Variants in PLPP3 observed in about 807,000 individuals in gnomAD.
PLPP3 encodes the protein PAP2 beta.
In PLPP3, 6 loss-of-function variants were observed where a neutral mutation model predicts 29.6. That is an observed-to-expected ratio of 0.20 (90% CI 0.11 to 0.40). The LOEUF (loss-of-function observed/expected upper bound fraction) is 0.40. Among genes scored for constraint, PLPP3 ranks in the 10% least tolerant of loss-of-function variants. The pLI is 1.00. For synonymous variants in PLPP3, 152 were observed against 159.7 expected (o/e 0.95, Z 0.36); for missense variants, 308 against 407.7 (o/e 0.76, Z 2.11).
chr1:56,534,251 A>G (rs1645908971), intron 2 of PLPP3, among the ~76,000 whole-genome samples: 1 of 152,190 alleles, frequency 6.6e-6, no homozygotes, highest in Non-Finnish European at 1.5e-5. Flanking sequence ...GTGGATTTGG[A>G]AGGAATTCCT....
chr1:56,548,455 G>A (rs1476983150), intron 1 of PLPP3, among the ~76,000 whole-genome samples: 1 of 152,076 alleles, frequency 6.6e-6, no homozygotes, highest in Non-Finnish European at 1.5e-5. Context: ...AGTATCCAGG[G>A]AGTAAATGGC....
intron 5 of PLPP3, among the ~76,000 whole-genome samples, chr1:56,500,245 T>C (rs1241924311): frequency 6.6e-6 from 1 of 152,196 alleles, no homozygotes; most frequent in African/African-American, 2.4e-5. Context: ...AAGGAGTTTA[T>C]AGGCCAATGA....
In PLPP3 at chr1:56,524,204, G is replaced by A. The variant is rs188910362; in HGVS notation, c.575+73C>T. 4.3e-5 allele frequency: 67 copies of A among 1,549,498 alleles called. No homozygotes were observed. In the Admixed American group the frequency reaches 1.0e-3, roughly 24 times the overall value. ...ATTCACCCATCTAAACCAGGGCCCA[G>A]CTAGTAAGTGCTCACTGAACTGCAC... On this transcript the variant is annotated intron_variant, in intron 3 of 5. Coordinates refer to ENST00000371250, the MANE Select transcript of PLPP3 (RefSeq NM_003713.5). This position sits in a 1 kb window ranked among gnomAD's most constrained non-coding sequence, Gnocchi z 4.3.
intron 2 of PLPP3, among the ~76,000 whole-genome samples, chr1:56,527,163 C>G (rs769061975): frequency 6.6e-6 from 1 of 152,150 alleles, no homozygotes; most frequent in Non-Finnish European, 1.5e-5. Context: ...ATCTCTAAAA[C>G]TTCCATTTTT....
rs535055891 is a variant in PLPP3 at position 56,523,778 on chromosome 1, G to A, written c.633+45C>T. The A allele has an allele frequency of 7.1e-4, 1,122 of 1,572,392 alleles. 15 individuals are homozygous for A. The South Asian group carries it at 0.011, about 16-fold the overall frequency. Reference sequence around the variant, plus strand: ...GAGGGCTATCATATCAGAAGGGATCGAAGCTGGAACTGAGCACTGCTCAAA... The same window carrying A: ...GAGGGCTATCATATCAGAAGGGATCAAAGCTGGAACTGAGCACTGCTCAAA... On this transcript the variant is annotated intron_variant, in intron 4 of 5. Coordinates refer to ENST00000371250, the MANE Select transcript of PLPP3 (RefSeq NM_003713.5).
intron 2 of PLPP3, among the ~76,000 whole-genome samples, chr1:56,532,595 T>G (rs141695754): frequency 1.2e-3 from 186 of 152,280 alleles, no homozygotes; most frequent in African/African-American, 4.3e-3. Flanking sequence ...AATTTGCATG[T>G]GGTACAGAGT....
At chr1:56,572,000 T>TC (rs1646201356) in intron 1 of PLPP3, among the ~76,000 whole-genome samples, 1 of 146,322 alleles carries the variant, frequency 6.8e-6, no homozygotes, top group Non-Finnish European at 1.5e-5. Context: ...ATACAGAGGG[T>TC]CCCCTAGATG....
At chr1:56,508,888 T>A (rs1025486460) in intron 5 of PLPP3, among the ~76,000 whole-genome samples, 2 of 152,148 alleles carry the variant, frequency 1.3e-5, no homozygotes, top group Non-Finnish European at 2.9e-5. Context: ...TTTGCTTCTG[T>A]CTCCCTCACA....
At chr1:56,546,815 T>C (rs1013257141) in intron 1 of PLPP3, among the ~76,000 whole-genome samples, 1 of 152,226 alleles carries the variant, frequency 6.6e-6, no homozygotes, top group Non-Finnish European at 1.5e-5. Flanking sequence ...TCTTAATAAA[T>C]TGCATGGTTA....
In PLPP3 at chr1:56,536,981, C is replaced by T. The variant is rs748400164; in HGVS notation, c.271G>A (p.Val91Met). 8 of 1,613,524 alleles carry T rather than the reference C, an allele frequency of 5.0e-6. No individual in the cohort carries two copies. Among genetic ancestry groups the T allele is most frequent in the South Asian group, 2.2e-5 (2 of 91,054 alleles). The change falls in exon 2 of 6, where the codon GTG becomes ATG. Residue 91 changes from valine to methionine, a missense_variant. Val to Met is a conservative substitution (Grantham distance 21). Coordinates refer to ENST00000371250, the MANE Select transcript of PLPP3 (RefSeq NM_003713.5). ...ETINDAVLCA[V>M]GIVIAILAII... The stretch of plus-strand genomic sequence containing the variant: ...GCGAGGATGGCAATGACGATCCCCA[C>T]GGCACAGAGCACAGCGTCATTTATT...
intron 4 of PLPP3, among the ~76,000 whole-genome samples, chr1:56,519,054 G>A (rs1179774812): frequency 6.6e-6 from 1 of 151,754 alleles, no homozygotes; most frequent in Non-Finnish European, 1.5e-5. Flanking sequence ...GGGGAGAACA[G>A]CAGCTAAGGA....
chr1:56,558,337 T>C (rs898322430), intron 1 of PLPP3, among the ~76,000 whole-genome samples: 3 of 152,216 alleles, frequency 2.0e-5, no homozygotes, highest in Non-Finnish European at 2.9e-5. Context: ...CATCTTCCTT[T>C]CCAACTGGAA....
chr1:56,538,607 T>A, intron 1 of PLPP3: 1 of 361,984 alleles, frequency 2.8e-6, no homozygotes, highest in South Asian at 2.8e-5. Context: ...CTAAAAAGAA[T>A]GCCCCACAAG....
intron 5 of PLPP3, among the ~76,000 whole-genome samples, chr1:56,502,758 G>C (rs890328161): frequency 1.3e-5 from 2 of 152,176 alleles, no homozygotes; most frequent in African/African-American, 4.8e-5. Context: ...TAAATGCTGT[G>C]TCATATTTCC....
At position 56,509,211 on chromosome 1, in the gene PLPP3, T is replaced by A. The variant is rs147560376; in HGVS notation, c.810+2765A>T. On this transcript the variant is annotated intron_variant, in intron 5 of 5. Transcript: ENST00000371250. ...AGTAAAAGGCAGGGAAAGAGATTTA[T>A]CACCCCTTTCCAAACCATCTTTACA... Among the ~76,000 whole-genome samples the A allele has an allele frequency of 2.4e-3, 370 of 152,290 alleles. 1 individual carries two copies. Among genetic ancestry groups the A allele is most frequent in the African/African-American group, 6.8e-3 (281 of 41,566 alleles).
intron 1 of PLPP3, among the ~76,000 whole-genome samples, chr1:56,540,086 A>T (rs987970052): frequency 6.6e-6 from 1 of 152,144 alleles, no homozygotes; most frequent in Non-Finnish European, 1.5e-5. Context: ...GTTAGACAGA[A>T]CTGGGTTAAT....
chr1:56,547,971 G>C (rs1466417368), intron 1 of PLPP3, among the ~76,000 whole-genome samples: 1 of 152,214 alleles, frequency 6.6e-6, no homozygotes, highest in Non-Finnish European at 1.5e-5. Flanking sequence ...CAGAAGGCAG[G>C]TATTTAACAA....
chr1:56,570,315 G>A lies in PLPP3; in HGVS notation c.139+8563C>T, dbSNP rs115074400. 7.9e-3 allele frequency among the ~76,000 whole-genome samples: 1,195 copies of A among 152,198 alleles called. 14 individuals are homozygous for A. The highest frequency in any genetic ancestry group is 0.024 in the African/African-American group (993 of 41,508). On this transcript the variant is annotated intron_variant, in intron 1 of 5. Transcript: ENST00000371250. ...TAGGGATACATAAACAGGAACCAAA[G>A]CACACTACTTATTATGACAAGGCGC...
intron 1 of PLPP3, among the ~76,000 whole-genome samples, chr1:56,577,008 A>G (rs536428033): frequency 1.3e-3 from 193 of 152,360 alleles, no homozygotes; most frequent in Non-Finnish European, 2.3e-3. Context: ...AGGAAATTGT[A>G]CAAAGGCTGT....
Sources: allele counts gnomAD v4.1 joint callset (sites outside exome capture counted in the v4.1 genomes callset), GRCh38; gene constraint gnomAD v4.1.1; non-coding constraint Gnocchi (gnomAD v3.1); transcripts MANE v1.5; gene names NCBI Gene and HGNC (gene_info 2026-07-23, HGNC 2026-07-21).